The following ENO4 variants were observed in gnomAD, a reference collection of about 807,000 sequenced individuals.
The protein encoded by ENO4 is enolase 4, also known as 2-phospho-D-glycerate hydro-lyase.
In ENO4, 53 loss-of-function variants were observed where a neutral mutation model predicts 63.2. That is an observed-to-expected ratio of 0.84 (90% CI 0.67 to 1.05). The LOEUF (loss-of-function observed/expected upper bound fraction) is 1.05, where lower values mean the gene tolerates loss of function less well. Among genes scored for constraint, ENO4 ranks in the 50% least tolerant of loss-of-function variants. The probability of loss-of-function intolerance (pLI) is 0.00; values close to 1 mark genes in which losing one functional copy is unlikely to be tolerated. For synonymous variants in ENO4, 266 were observed against 283.8 expected, an observed-to-expected ratio of 0.94 and a Z score of 0.63; for missense variants, 719 against 772.0, an observed-to-expected ratio of 0.93 and a Z score of 0.81.
chr10:116,876,300 G>A, intron 11 of ENO4, 40 bp downstream of exon 11: 2 of 1,437,184 alleles, frequency 1.4e-6, no homozygotes, highest in Admixed American at 2.8e-5. Context: ...GTAATGACTT[G>A]GTTATACAAG....
chr10:116,911,477 A>G (rs1460022762), intron 10 of ENO4: 5 of 1,550,244 alleles, frequency 3.2e-6, no homozygotes, highest in South Asian at 1.2e-5. Flanking sequence ...ATCAACATGT[A>G]CGGACCCTTA....
At chr10:116,854,463 GGCA>G (rs1846190840) in intron 1 of ENO4, among the ~76,000 whole-genome samples, 1 of 151,854 alleles carries the variant, frequency 6.6e-6, no homozygotes, top group Admixed American at 6.6e-5. Flanking sequence ...GGAAGGCTGA[GGCA>G]GGAGAATCGC....
downstream of ENO4, among the ~76,000 whole-genome samples, chr10:116,912,029 C>T (rs1419497389): frequency 2.0e-5 from 3 of 152,146 alleles, no homozygotes; most frequent in Non-Finnish European, 4.4e-5. Context: ...TTTCAAGTAG[C>T]AGTTAAACAA....
At chr10:116,877,375 T>C (rs765411147) in intron 11 of ENO4, among the ~76,000 whole-genome samples, 8 of 152,152 alleles carry the variant, frequency 5.3e-5, no homozygotes, top group Non-Finnish European at 1.2e-4. Context: ...CTACTTATAA[T>C]ATATCCCGAC....
intron 4 of ENO4, among the ~76,000 whole-genome samples, chr10:116,859,949 G>C (rs1021216611): frequency 4.6e-5 from 7 of 152,198 alleles, no homozygotes; most frequent in Non-Finnish European, 8.8e-5. Flanking sequence ...AATTATGTTT[G>C]AGCAATCTTC....
downstream of ENO4, chr10:116,886,413 G>A (rs769545630): frequency 2.6e-5 from 42 of 1,596,316 alleles, no homozygotes; most frequent in South Asian, 5.6e-5. Context: ...GTTGAATTTC[G>A]CCTTCATCCT....
chr10:116,886,150 A>T, downstream of ENO4: 1 of 755,626 alleles, frequency 1.3e-6, no homozygotes, highest in Non-Finnish European at 2.1e-6. Context: ...ACCAAAACCT[A>T]CTAGGAATGT....
intron 3 of ENO4, among the ~76,000 whole-genome samples, chr10:116,856,989 A>C (rs1846281910): frequency 4.9e-5 from 3 of 61,436 alleles, no homozygotes; most frequent in African/African-American, 3.1e-4. Context: ...ACTCTGTATC[A>C]AAAAAAAAAA....
chr10:116,865,878 A>C (rs900990902), intron 7 of ENO4, among the ~76,000 whole-genome samples: 12 of 152,322 alleles, frequency 7.9e-5, no homozygotes, highest in African/African-American at 2.6e-4. Flanking sequence ...CTCTTCCTGG[A>C]ATACTAATAA....
intron 10 of ENO4, among the ~76,000 whole-genome samples, chr10:116,910,612 A>G (rs1848153387): frequency 6.6e-6 from 1 of 152,212 alleles, no homozygotes; most frequent in Non-Finnish European, 1.5e-5. Context: ...AGTCAAACTC[A>G]GTATAGTCTA....
chr10:116,907,223 C>T (rs1285588400), intron 10 of ENO4, among the ~76,000 whole-genome samples: 4 of 152,102 alleles, frequency 2.6e-5, no homozygotes, highest in East Asian at 3.9e-4. Context: ...ACCTGATGTC[C>T]GTGGCGTCGT....
At chr10:116,870,168 G>T (rs1700190275) in intron 8 of ENO4, among the ~76,000 whole-genome samples, 1 of 152,152 alleles carries the variant, frequency 6.6e-6, no homozygotes. Context: ...TTGTCATTGA[G>T]TTTGGTGCAC....
intron 10 of ENO4, chr10:116,900,474 T>C: frequency 7.2e-7 from 1 of 1,381,728 alleles, no homozygotes; most frequent in Non-Finnish European, 9.9e-7. Context: ...TAATTTCCAC[T>C]TACTTTTGGA....
chr10:116,881,469 T>C (rs1310394685), intron 13 of ENO4, 46 bp from the exon 14 acceptor site: 2 of 1,419,312 alleles, frequency 1.4e-6, no homozygotes, highest in African/African-American at 2.9e-5. Flanking sequence ...ATATAAAAAC[T>C]GGCACCATTG....
At chr10:116,901,659 G>T in intron 10 of ENO4, 1 of 1,353,586 alleles carries the variant, frequency 7.4e-7, no homozygotes, top group South Asian at 2.1e-5. Context: ...AGAATTTACC[G>T]GCGAGCCAAT....
At chr10:116,854,834 G>A (rs1419053947) in intron 1 of ENO4, among the ~76,000 whole-genome samples, 1 of 150,904 alleles carries the variant, frequency 6.6e-6, no homozygotes, top group Non-Finnish European at 1.5e-5. Context: ...CCAGCTACTC[G>A]GGAGGCTGAG....
At chr10:116,867,920 GT>G (rs1333884163) in intron 7 of ENO4, among the ~76,000 whole-genome samples, 1 of 152,150 alleles carries the variant, frequency 6.6e-6, no homozygotes, top group Non-Finnish European at 1.5e-5. Flanking sequence ...TTGCCCTTCT[GT>G]TCAGGGTCAC....
intron 3 of ENO4, among the ~76,000 whole-genome samples, chr10:116,858,713 C>G (rs1846335829): frequency 6.6e-6 from 1 of 152,180 alleles, no homozygotes; most frequent in Non-Finnish European, 1.5e-5. Context: ...AAGTTTTACT[C>G]TAAAAATGCA....
chr10:116,881,624 A>G lies in ENO4; in HGVS notation c.1833A>G (p.Thr611=), dbSNP rs1847017976. The G allele has an allele frequency of 6.5e-7, 1 of 1,550,252 alleles. No individual in the cohort carries two copies. Among genetic ancestry groups the G allele is most frequent in the South Asian group, 1.2e-5 (1 of 83,998 alleles). Residue 611 remains threonine, a synonymous_variant, in exon 14 of 14, where the codon ACA becomes ACG. Transcript: ENST00000341276. ...AGCCGCTGGTGCCCACCTTCCCCAC[A>G]CAAGGTGTAGAGGAATCAGCCGAAA... The part of the protein sequence containing the change: ...AREPLVPTFP[T]QGVEESAETG...
Sources: allele counts gnomAD v4.1 joint callset (sites outside exome capture counted in the v4.1 genomes callset), GRCh38; gene constraint gnomAD v4.1.1; transcripts MANE v1.5; gene names NCBI Gene and HGNC (gene_info 2026-07-23, HGNC 2026-07-21).